The following GYG2 variants were observed in gnomAD, a reference collection of about 807,000 sequenced individuals.
The protein encoded by GYG2 is glycogenin 2.
In GYG2, 29 loss-of-function variants were observed where a neutral mutation model predicts 29.4. The ratio of observed to expected loss-of-function variants is 0.99; its 90% CI spans 0.74 to 1.35. The LOEUF is 1.35. Ranked by LOEUF, GYG2 falls within the 40% of genes most tolerant of loss-of-function variation. GYG2 has a pLI of 0.00. For missense variants in GYG2, 370 were observed against 385.7 expected, an observed-to-expected ratio of 0.96 and a Z score of 0.34; for synonymous variants, 167 against 172.3, an observed-to-expected ratio of 0.97 and a Z score of 0.24.
chrX:2,832,705 T>G (rs2087293025), intron 2 of GYG2, among the ~76,000 whole-genome samples: 1 of 111,874 alleles, frequency 8.9e-6, no homozygotes. Flanking sequence ...CGGCTCACTT[T>G]TGTATTTTTA....
Position 2,854,069 on chromosome X carries a change from C to T in GYG2, c.239C>T (p.Pro80Leu), listed in dbSNP as rs374070197. Residue 80 changes from proline to leucine, a missense_variant, in exon 4 of 11, where the codon CCT (proline) becomes CTT (leucine). Coordinates refer to ENST00000398806, the MANE Select transcript of GYG2 (RefSeq NM_001079855.2). Reference sequence around the variant, plus strand: ...ATCCACCTGGCCTTTCTGAAGAGACCTGAGCTCGGGCTCACCCTCACCAAG... The same window carrying T: ...ATCCACCTGGCCTTTCTGAAGAGACTTGAGCTCGGGCTCACCCTCACCAAG... ...DYIHLAFLKR[P>L]ELGLTLTKLH... 1 of 1,201,534 alleles carries T rather than the reference C, an allele frequency of 8.3e-7. No individual in the cohort carries two copies. The highest frequency in any genetic ancestry group is 1.1e-6 in the Non-Finnish European group (1 of 887,755).
At chrX:2,857,009 A>G (rs1362417324) in intron 6 of GYG2, among the ~76,000 whole-genome samples, 2 of 103,457 alleles carry the variant, frequency 1.9e-5, no homozygotes, top group Non-Finnish European at 4.0e-5. Context: ...CTATCTATCT[A>G]TCCATATCTA....
intron 3 of GYG2, among the ~76,000 whole-genome samples, chrX:2,844,518 G>A (rs1438965386): frequency 1.1e-5 from 1 of 88,270 alleles, no homozygotes; most frequent in Non-Finnish European, 2.2e-5. Context: ...ATGTGTATAC[G>A]CACACGCATG....
In GYG2 at chrX:2,881,518, C is replaced by T. The variant is rs2088720410; in HGVS notation, c.*305C>T. 9.4e-6 allele frequency: 2 copies of T among 212,349 alleles called. No homozygotes were observed. Among genetic ancestry groups the T allele is most frequent in the South Asian group, 1.4e-4 (1 of 7,212 alleles). The allele number at this position is 212,349 out of a possible 1,213,427, so 17.5% of individuals were successfully genotyped here. On this transcript the variant is annotated 3_prime_UTR_variant, in exon 11 of 11. Transcript: ENST00000398806. ...AGTAGACTCTCGATGGTGGTCTCCG[C>T]TCTTGCCCGAAGGACCTCTGAAGTA...
chrX:2,831,723 A>G (rs2087268111), intron 2 of GYG2, among the ~76,000 whole-genome samples: 1 of 111,940 alleles, frequency 8.9e-6, no homozygotes, highest in Non-Finnish European at 1.9e-5. Context: ...TGCAGAAAAC[A>G]AAAACCACCT....
intron 9 of GYG2, among the ~76,000 whole-genome samples, chrX:2,876,216 A>G (rs1275710524): frequency 1.8e-5 from 2 of 110,243 alleles, no homozygotes; most frequent in African/African-American, 3.3e-5. Context: ...AAAAAAATTA[A>G]TAAGAAAAAG....
intron 8 of GYG2, 88 bp downstream of exon 8, chrX:2,861,810 G>A (rs2088176647): frequency 1.4e-6 from 1 of 705,443 alleles, no homozygotes; most frequent in African/African-American, 2.1e-5. Flanking sequence ...TGGCTCCCTG[G>A]GGAGGGGAGA....
At chrX:2,863,817 G>A (rs772469665) in intron 8 of GYG2, among the ~76,000 whole-genome samples, 2 of 111,842 alleles carry the variant, frequency 1.8e-5, no homozygotes, top group East Asian at 2.8e-4. Flanking sequence ...CAAGTCAAGA[G>A]CCTCTGCTTG....
At position 2,844,517 on chromosome X, in the gene GYG2, C is replaced by T. The variant is rs1172173170; in HGVS notation, c.149+1163C>T. Among the ~76,000 whole-genome samples, 23 of 90,683 alleles carry T rather than the reference C, an allele frequency of 2.5e-4. 2 individuals carry two copies. The highest frequency in any genetic ancestry group is 5.5e-4 in the South Asian group (1 of 1,823). 78.7% of individuals were successfully genotyped at this position (90,683 alleles called of 115,157 possible). ...ACGCGTGTGCGTATATATGTGTATA[C>T]GCACACGCATGCGTATATATGTGTA... On this transcript the variant is annotated intron_variant, in intron 3 of 10. Transcript: ENST00000398806.
chrX:2,880,439 T>TGTGTGTGTGC (rs1555902174), intron 10 of GYG2, among the ~76,000 whole-genome samples: 1 of 103,721 alleles, frequency 9.6e-6, no homozygotes, highest in African/African-American at 3.5e-5. Flanking sequence ...TGTGTGTGTG[T>TGTGTGTGTGC]GCACATGCGC....
chrX:2,845,709 A>G (rs189769314), intron 3 of GYG2, among the ~76,000 whole-genome samples: 9 of 106,304 alleles, frequency 8.5e-5, no homozygotes, highest in East Asian at 3.0e-4. Context: ...ATGCATGTGT[A>G]TGTACATATA....
chrX:2,876,420 G>A (rs6567674), intron 9 of GYG2, among the ~76,000 whole-genome samples: 1 of 109,104 alleles, frequency 9.2e-6, no homozygotes, highest in Non-Finnish European at 1.9e-5. Context: ...ACACCCCCCT[G>A]TTTTTAAACT....
rs1403083927 is a variant in GYG2, at chrX:2,882,125, G to A, written c.*912G>A. The stretch of plus-strand genomic sequence containing the variant: ...CTTTCCAGAGAATTCTCAGTTTTAT[G>A]AGACGGGAAACTTTATTTCACGAGA... On this transcript the variant is annotated 3_prime_UTR_variant, in exon 11 of 11. Coordinates refer to ENST00000398806, the MANE Select transcript of GYG2 (RefSeq NM_001079855.2). 1 of 110,653 alleles carries A rather than the reference G, an allele frequency of 9.0e-6. No homozygotes were observed. Among genetic ancestry groups the A allele is most frequent in the Non-Finnish European group, 1.9e-5 (1 of 52,940 alleles). The allele number at this position is 110,653 out of a possible 1,213,427, so 9.1% of individuals were successfully genotyped here.
At chrX:2,833,551 A>G (rs2087311565) in intron 2 of GYG2, among the ~76,000 whole-genome samples, 1 of 111,869 alleles carries the variant, frequency 8.9e-6, no homozygotes, top group Non-Finnish European at 1.9e-5. Flanking sequence ...ATCCTCATGA[A>G]GAGATTAAAA....
At chrX:2,840,775 AGATAAATAGATATAGATGATATAT>A in intron 2 of GYG2, among the ~76,000 whole-genome samples, 1 of 111,207 alleles carries the variant, frequency 9.0e-6, no homozygotes, top group Non-Finnish European at 1.9e-5. Context: ...TATAGATGAT[AGATAAATAGATATAGATGATATAT>A]GATAAATAGA....
intron 8 of GYG2, among the ~76,000 whole-genome samples, chrX:2,866,737 C>T (rs1325725162): frequency 9.0e-6 from 1 of 111,426 alleles, no homozygotes; most frequent in Non-Finnish European, 1.9e-5. Context: ...ATTACCCTGA[C>T]CGGATCACTG....
intron 10 of GYG2, 48 bp from the exon 11 acceptor site, chrX:2,881,004 G>A: frequency 4.3e-6 from 5 of 1,163,546 alleles, no homozygotes; most frequent in Non-Finnish European, 5.8e-6. Context: ...TCTTTCCCTC[G>A]ATAATGGACA....
chrX:2,843,062 C>T (rs2087540733), intron 2 of GYG2, 151 bp from the exon 3 acceptor site: 1 of 534,875 alleles, frequency 1.9e-6, no homozygotes, highest in Non-Finnish European at 3.3e-6. Flanking sequence ...ATTCACCCAC[C>T]TCAGCCTCCC....
At chrX:2,880,384 C>G (rs1378316137) in intron 10 of GYG2, among the ~76,000 whole-genome samples, 1 of 102,971 alleles carries the variant, frequency 9.7e-6, no homozygotes, top group Non-Finnish European at 2.0e-5. Context: ...TCATACAAAA[C>G]AGAAGTTTTG....
Sources: gnomAD v4.1 joint callset for allele counts (sites outside exome capture counted in the v4.1 genomes callset) on GRCh38, gnomAD v4.1.1 for gene constraint, MANE v1.5 for transcripts, NCBI Gene and HGNC (gene_info 2026-07-23, HGNC 2026-07-21) for gene names.